Variants in AFF1 observed in about 807,000 individuals in gnomAD.
AFF1 encodes the protein ALF transcription elongation factor 1.
Under a neutral mutation model 121.7 loss-of-function variants are expected in AFF1, and 48 were observed. The observed-to-expected ratio is 0.39, with a 90% CI of 0.31 to 0.50. AFF1 has a LOEUF of 0.50. AFF1 is among the 20% of genes least tolerant of loss of function. The pLI, the probability that AFF1 is intolerant of heterozygous loss-of-function variation, is 0.76. For missense variants in AFF1, 1,523 were observed against 1,511.7 expected, an observed-to-expected ratio of 1.01 and a Z score of -0.12; for synonymous variants, 613 against 563.0, an observed-to-expected ratio of 1.09 and a Z score of -1.26.
intron 2 of AFF1, among the ~76,000 whole-genome samples, chr4:87,003,392 T>G (rs1725869615): frequency 6.6e-6 from 1 of 152,208 alleles, no homozygotes; most frequent in Admixed American, 6.5e-5. Context: ...GCCTCCCAAG[T>G]AGCTAGAACT....
intron 4 of AFF1, among the ~76,000 whole-genome samples, chr4:87,053,632 C>T (rs960931157): frequency 6.6e-6 from 1 of 152,246 alleles, no homozygotes; most frequent in African/African-American, 2.4e-5. Context: ...CTCTCACAAA[C>T]ACATCATGTA....
rs183623408 is a variant in AFF1, at chr4:86,959,375, A to C, written c.38+10804A>C. Among the ~76,000 whole-genome samples, 5 of 152,348 alleles carry C rather than the reference A, an allele frequency of 3.3e-5. No individual in the cohort carries two copies. The East Asian group carries it at 9.6e-4, about 29-fold the overall frequency. ...TTTAATTTTAAAAGTTTACATTAAA[A>C]AAAGAAACCTCTTTATTGTGTTGGG... is the stretch of plus-strand genomic sequence containing the variant. On this transcript the variant is annotated intron_variant, in intron 2 of 20. Coordinates refer to ENST00000395146, the MANE Select transcript of AFF1 (RefSeq NM_001166693.3).
At chr4:87,032,378 T>G (rs1376896755) in intron 2 of AFF1, among the ~76,000 whole-genome samples, 2 of 152,222 alleles carry the variant, frequency 1.3e-5, no homozygotes, top group African/African-American at 2.4e-5. Context: ...CATTAAGCTT[T>G]CTTTCTGTAG....
At chr4:87,078,818 C>T (rs1315957509) in intron 4 of AFF1, among the ~76,000 whole-genome samples, 1 of 151,994 alleles carries the variant, frequency 6.6e-6, no homozygotes, top group East Asian at 1.9e-4. Context: ...GGATAGATAA[C>T]CTATTGGGAT....
At chr4:87,018,531 T>A (rs1048994076) in intron 2 of AFF1, among the ~76,000 whole-genome samples, 1 of 152,206 alleles carries the variant, frequency 6.6e-6, no homozygotes, top group Non-Finnish European at 1.5e-5. Context: ...GATGGCTTTT[T>A]TTGAGACAGA....
At chr4:87,027,264 G>T (rs1728615542) in intron 2 of AFF1, among the ~76,000 whole-genome samples, 1 of 152,202 alleles carries the variant, frequency 6.6e-6, no homozygotes, top group Admixed American at 6.5e-5. Context: ...AGAGCAAAAA[G>T]CAGAAGCCAG....
chr4:87,071,710 T>C (rs756498481), intron 4 of AFF1, among the ~76,000 whole-genome samples: 1 of 152,166 alleles, frequency 6.6e-6, no homozygotes, highest in Non-Finnish European at 1.5e-5. Flanking sequence ...CTCCATTTTC[T>C]AAAGGCAATT....
intron 2 of AFF1, among the ~76,000 whole-genome samples, chr4:87,003,089 C>T: frequency 6.6e-6 from 1 of 152,022 alleles, no homozygotes; most frequent in East Asian, 1.9e-4. Context: ...TTCTCCTGTA[C>T]TTAGTAATTT....
chr4:87,099,496 C>T (rs1323737048), intron 8 of AFF1, among the ~76,000 whole-genome samples: 2 of 152,192 alleles, frequency 1.3e-5, no homozygotes, highest in East Asian at 1.9e-4. Context: ...GCAACCTCCA[C>T]CTTCTGGGTT....
chr4:86,946,898 C>A (rs1273280341), intron 1 of AFF1, among the ~76,000 whole-genome samples: 1 of 152,080 alleles, frequency 6.6e-6, no homozygotes, highest in Non-Finnish European at 1.5e-5. Context: ...AGCATCTTCA[C>A]TGGGAGGGTA....
At chr4:86,945,832 A>G (rs1292947138) in intron 1 of AFF1, among the ~76,000 whole-genome samples, 1 of 152,138 alleles carries the variant, frequency 6.6e-6, no homozygotes, top group African/African-American at 2.4e-5. Context: ...ATAACAGAAT[A>G]AAAGGTGAAA....
chr4:86,995,285 C>T (rs1263299262), intron 2 of AFF1, among the ~76,000 whole-genome samples: 1 of 122,238 alleles, frequency 8.2e-6, no homozygotes, highest in South Asian at 3.2e-4. Context: ...TCCCCCTCTC[C>T]CTCCCCCTCT....
At chr4:87,040,296 C>T (rs1483957241) in intron 2 of AFF1, among the ~76,000 whole-genome samples, 4 of 152,186 alleles carry the variant, frequency 2.6e-5, no homozygotes, top group African/African-American at 9.7e-5. Flanking sequence ...CTGTGTGGAT[C>T]AGTTTAACCA....
intron 2 of AFF1, among the ~76,000 whole-genome samples, chr4:86,991,440 A>C (rs998111330): frequency 2.2e-5 from 2 of 91,292 alleles, no homozygotes; most frequent in Non-Finnish European, 5.5e-5. Context: ...GTGAGACTCC[A>C]TCTCCAAAAA....
intron 16 of AFF1, among the ~76,000 whole-genome samples, chr4:87,128,995 T>C (rs1728562203): frequency 6.6e-6 from 1 of 152,234 alleles, no homozygotes; most frequent in Admixed American, 6.5e-5. Context: ...AGTACTAAGA[T>C]TTCTCGTTAT....
chr4:87,138,214 G>A lies in AFF1; in HGVS notation c.*2513G>A, dbSNP rs575465795. On this transcript the variant is annotated 3_prime_UTR_variant, in exon 21 of 21. Coordinates refer to ENST00000395146, the MANE Select transcript of AFF1 (RefSeq NM_001166693.3). ...GAGTATGTGAAAGGTAGTGGCTGAT[G>A]AATCCTTAACGTTCATAGGGTCTTT... 31 of 232,694 alleles carry A rather than the reference G, an allele frequency of 1.3e-4. No individual in the cohort carries two copies. The highest frequency in any genetic ancestry group is 1.2e-3 in the East Asian group (20 of 16,482). 14.4% of individuals were successfully genotyped at this position (232,694 alleles called of 1,614,324 possible).
chr4:86,996,448 CAT>C (rs1286899670), intron 2 of AFF1, among the ~76,000 whole-genome samples: 7 of 151,816 alleles, frequency 4.6e-5, no homozygotes, highest in African/African-American at 9.7e-5. Flanking sequence ...CTCTCTGAAA[CAT>C]GTGCTGTATC....
At chr4:87,100,733 A>T (rs561016857) in intron 8 of AFF1, among the ~76,000 whole-genome samples, 3 of 152,330 alleles carry the variant, frequency 2.0e-5, no homozygotes, top group Admixed American at 6.5e-5. Flanking sequence ...AACTTGATTG[A>T]ATACCTATAT....
chr4:86,965,101 C>G (rs1377741551), intron 2 of AFF1, among the ~76,000 whole-genome samples: 1 of 152,182 alleles, frequency 6.6e-6, no homozygotes, highest in African/African-American at 2.4e-5. Flanking sequence ...AGTTCTTACT[C>G]TGTTACTAAT....
Sources: gnomAD v4.1 joint callset for allele counts (sites outside exome capture counted in the v4.1 genomes callset) on GRCh38, gnomAD v4.1.1 for gene constraint, MANE v1.5 for transcripts, NCBI Gene and HGNC (gene_info 2026-07-23, HGNC 2026-07-21) for gene names.